CCDC34: variants seen among roughly 807,000 people sequenced by gnomAD.
The protein encoded by CCDC34 is coiled-coil domain containing 34.
A neutral mutation model predicts 44.1 loss-of-function variants in CCDC34; 40 were observed. The observed-to-expected ratio is 0.91, with a 90% CI of 0.70 to 1.18. CCDC34 has a LOEUF of 1.18. Among genes scored for constraint, CCDC34 ranks in the 50% most tolerant of loss-of-function variants. CCDC34 has a pLI of 0.00. For missense variants in CCDC34, 466 were observed against 452.3 expected (o/e 1.03, Z -0.28); for synonymous variants, 159 against 158.2 (o/e 1.01, Z -0.04).
intron 5 of CCDC34, among the ~76,000 whole-genome samples, chr11:27,339,752 G>T (rs1862326902): frequency 2.0e-5 from 3 of 152,246 alleles, no homozygotes; most frequent in Admixed American, 2.0e-4. Flanking sequence ...TACAGCATTT[G>T]CAGACAAATA....
intron 3 of CCDC34, among the ~76,000 whole-genome samples, chr11:27,347,303 G>A (rs929437669): frequency 3.3e-5 from 5 of 152,116 alleles, no homozygotes; most frequent in Non-Finnish European, 7.4e-5. Context: ...CAAATGTTTG[G>A]CAATTTCTTA....
At chr11:27,349,229 ACAGT>A in intron 3 of CCDC34, 1 of 949,040 alleles carries the variant, frequency 1.1e-6, no homozygotes, top group African/African-American at 1.8e-5. Context: ...AAGTTTTATA[ACAGT>A]CACAGAGATT....
chr11:27,347,580 C>T (rs985493957), intron 3 of CCDC34, among the ~76,000 whole-genome samples: 2 of 152,140 alleles, frequency 1.3e-5, no homozygotes, highest in African/African-American at 4.8e-5. Context: ...AGGAATAATA[C>T]ATGAAATATC....
chr11:27,339,624 T>C (rs144632607), intron 5 of CCDC34, among the ~76,000 whole-genome samples: 205 of 152,284 alleles, frequency 1.3e-3, no homozygotes, highest in African/African-American at 4.8e-3. Context: ...ATAAACACAT[T>C]TGAAGGAAGA....
intron 3 of CCDC34, among the ~76,000 whole-genome samples, chr11:27,346,860 T>C (rs1016791198): frequency 6.6e-6 from 1 of 152,214 alleles, no homozygotes; most frequent in South Asian, 2.1e-4. Flanking sequence ...CCTAATTCAA[T>C]AGGACTGGTG....
At chr11:27,341,310 A>C in intron 4 of CCDC34, 82 bp downstream of exon 4, 1 of 825,324 alleles carries the variant, frequency 1.2e-6, no homozygotes, top group East Asian at 2.7e-5. Flanking sequence ...CCAATTTTCT[A>C]TTAGATACTT....
chr11:27,357,324 C>T (rs1253029637), intron 2 of CCDC34, 79 bp downstream of exon 2: 1 of 1,390,588 alleles, frequency 7.2e-7, no homozygotes. Flanking sequence ...GGAATAATAA[C>T]ATTAACATTT....
In CCDC34 at chr11:27,357,317, A is replaced by G. The variant is rs574851389; in HGVS notation, c.498+86T>C. 3.8e-6 allele frequency: 5 copies of G among 1,329,504 alleles called. No individual in the cohort carries two copies. In the South Asian group the frequency reaches 5.0e-5, roughly 13 times the overall value. 82.4% of individuals were successfully genotyped at this position (1,329,504 alleles called of 1,614,324 possible). On this transcript the variant is annotated intron_variant, in intron 2 of 5. Coordinates refer to ENST00000328697, the MANE Select transcript of CCDC34 (RefSeq NM_030771.2). ...AAATGCAAAGACTTTGTTTTCAGGA[A>G]TAATAACATTAACATTTTAATTTAC... is the stretch of plus-strand genomic sequence containing the variant.
chr11:27,352,432 C>T (rs1339419630), intron 2 of CCDC34, among the ~76,000 whole-genome samples: 1 of 149,362 alleles, frequency 6.7e-6, no homozygotes, highest in African/African-American at 2.5e-5. Flanking sequence ...ACTTAGGAAA[C>T]AAAAGGGGGA....
At chr11:27,356,934 G>GGGT (rs1862585470) in intron 2 of CCDC34, among the ~76,000 whole-genome samples, 1 of 68,396 alleles carries the variant, frequency 1.5e-5, no homozygotes, top group African/African-American at 5.4e-5. Flanking sequence ...GGTGGGGTTG[G>GGGT]GGGTGGTGGG....
At chr11:27,344,092 A>G (rs754628473) in intron 3 of CCDC34, among the ~76,000 whole-genome samples, 2 of 152,192 alleles carry the variant, frequency 1.3e-5, no homozygotes, top group Non-Finnish European at 2.9e-5. Flanking sequence ...AAGCTTCACT[A>G]GTTGATTCCA....
chr11:27,353,269 G>A (rs1238755237), intron 2 of CCDC34, among the ~76,000 whole-genome samples: 1 of 150,896 alleles, frequency 6.6e-6, no homozygotes, highest in Admixed American at 6.6e-5. Context: ...GTTCGTTAAG[G>A]GCTCATTAAG....
At chr11:27,360,967 C>A (rs1265582516) in intron 1 of CCDC34, among the ~76,000 whole-genome samples, 1 of 152,196 alleles carries the variant, frequency 6.6e-6, no homozygotes, top group East Asian at 1.9e-4. Flanking sequence ...TTCTAAAAAT[C>A]TACCTTTCCT....
rs1369607714 is a variant in CCDC34, at chr11:27,338,897, T to G, written c.1046A>C (p.His349Pro). The change falls in exon 6 of 6, where the codon CAC (histidine) becomes CCC (proline). Residue 349 changes from histidine (H) to proline (P), a missense_variant. His to Pro is a moderately conservative substitution (Grantham distance 77). Transcript: ENST00000328697. ...ATGAATTACCAGAGATGATGACTTG[T>G]GTGGCTGACTTATCACAGGTCTTTT... is the stretch of plus-strand genomic sequence containing the variant. ...KSKRPVISQP[H>P]KSSSLVIHKA... is the part of the protein sequence containing the mutation. 1 of 1,613,852 alleles carries G rather than the reference T, an allele frequency of 6.2e-7. No individual in the cohort carries two copies. Among genetic ancestry groups the G allele is most frequent in the African/African-American group, 1.3e-5 (1 of 74,922 alleles).
intron 2 of CCDC34, among the ~76,000 whole-genome samples, chr11:27,354,608 G>C (rs1392537548): frequency 6.6e-6 from 1 of 152,120 alleles, no homozygotes; most frequent in East Asian, 1.9e-4. Context: ...GCTCACACCT[G>C]TAACCCCAGC....
chr11:27,356,020 T>TTTTTC (rs1234579410), intron 2 of CCDC34, among the ~76,000 whole-genome samples: 6 of 141,682 alleles, frequency 4.2e-5, no homozygotes, highest in Non-Finnish European at 9.2e-5. Flanking sequence ...TTTTTTTTTT[T>TTTTTC]TTTTTTTTTT....
At chr11:27,346,784 G>A (rs1038847756) in intron 3 of CCDC34, among the ~76,000 whole-genome samples, 3 of 152,254 alleles carry the variant, frequency 2.0e-5, no homozygotes, top group African/African-American at 7.2e-5. Flanking sequence ...TCCTCAATGT[G>A]ACTGTATTTG....
intron 3 of CCDC34, among the ~76,000 whole-genome samples, chr11:27,345,620 AT>A (rs1341895016): frequency 6.6e-6 from 1 of 151,684 alleles, no homozygotes; most frequent in African/African-American, 2.4e-5. Context: ...TGAACTCATC[AT>A]TTTTTATGGC....
At chr11:27,344,321 CAT>C (rs566786770) in intron 3 of CCDC34, among the ~76,000 whole-genome samples, 9 of 152,036 alleles carry the variant, frequency 5.9e-5, no homozygotes, top group African/African-American at 1.9e-4. Flanking sequence ...GGGAAAAAAA[CAT>C]ATATATGTTA....
Sources: allele counts gnomAD v4.1 joint callset (sites outside exome capture counted in the v4.1 genomes callset), GRCh38; gene constraint gnomAD v4.1.1; transcripts MANE v1.5; gene names NCBI Gene and HGNC (gene_info 2026-07-23, HGNC 2026-07-21).